Variants in PDE4D observed in about 807,000 individuals in gnomAD.
PDE4D encodes the protein 3',5'-cyclic-AMP phosphodiesterase 4D.
In PDE4D, 24 loss-of-function variants were observed where a neutral mutation model predicts 87.4. The ratio of observed to expected loss-of-function variants is 0.27; its 90% confidence interval spans 0.20 to 0.39. The LOEUF is 0.39. Among genes scored for constraint, PDE4D ranks in the 10% least tolerant of loss-of-function variants. PDE4D has a pLI of 1.00. For synonymous variants in PDE4D, 384 were observed against 383.2 expected, an observed-to-expected ratio of 1.00 and a Z score of -0.02; for missense variants, 714 against 1,041.0, an observed-to-expected ratio of 0.69 and a Z score of 4.32.
chr5:59,584,066 G>A (rs1307082051), intron 1 of PDE4D, among the ~76,000 whole-genome samples: 1 of 152,214 alleles, frequency 6.6e-6, no homozygotes, highest in Non-Finnish European at 1.5e-5. Context: ...GGAGTCTTTG[G>A]AGATGAAAAG....
chr5:59,119,937 T>C (rs1774211638), intron 5 of PDE4D, among the ~76,000 whole-genome samples: 1 of 152,184 alleles, frequency 6.6e-6, no homozygotes, highest in African/African-American at 2.4e-5. Flanking sequence ...CTCAAACTCC[T>C]GGGCTCAAGG....
At chr5:59,358,500 T>C (rs1781740015) in intron 1 of PDE4D, among the ~76,000 whole-genome samples, 1 of 152,232 alleles carries the variant, frequency 6.6e-6, no homozygotes, top group African/African-American at 2.4e-5. Flanking sequence ...GCCCTTCTGG[T>C]GTATGAAATG....
chr5:60,361,417 A>G (rs1208318041), intron 1 of PDE4D, among the ~76,000 whole-genome samples: 2 of 152,358 alleles, frequency 1.3e-5, no homozygotes, highest in East Asian at 3.9e-4. Context: ...TGATTCAATA[A>G]ATCAATGGTA....
chr5:59,831,326 CAAA>C (rs35043596), intron 1 of PDE4D, among the ~76,000 whole-genome samples: 1 of 91,406 alleles, frequency 1.1e-5, no homozygotes, highest in Non-Finnish European at 2.0e-5. Flanking sequence ...AAATTATTCT[CAAA>C]AAAAAAAAAA....
chr5:59,887,612 C>T (rs1405087120), intron 1 of PDE4D, among the ~76,000 whole-genome samples: 1 of 152,044 alleles, frequency 6.6e-6, no homozygotes, highest in African/African-American at 2.4e-5. Context: ...ATAAACAGAA[C>T]TAAGTCTTTT....
chr5:59,304,176 T>A (rs751440463), intron 1 of PDE4D, among the ~76,000 whole-genome samples: 3 of 152,112 alleles, frequency 2.0e-5, no homozygotes, highest in Non-Finnish European at 4.4e-5. Context: ...TGGGTTGAGT[T>A]CTTGATTTGA....
chr5:59,477,325 C>T (rs1331437072), intron 1 of PDE4D, among the ~76,000 whole-genome samples: 3 of 133,388 alleles, frequency 2.2e-5, no homozygotes, highest in Non-Finnish European at 3.1e-5. Flanking sequence ...GCACAATGTG[C>T]ACATGTACCC....
At chr5:59,110,700 G>A (rs1199440820) in intron 5 of PDE4D, among the ~76,000 whole-genome samples, 2 of 151,986 alleles carry the variant, frequency 1.3e-5, no homozygotes, top group African/African-American at 4.8e-5. Flanking sequence ...GGCGAGACCC[G>A]ATCTTTACAA....
intron 1 of PDE4D, among the ~76,000 whole-genome samples, chr5:59,498,118 A>C (rs114043806): frequency 5.3e-5 from 8 of 151,912 alleles, no homozygotes; most frequent in Admixed American, 2.0e-4. Flanking sequence ...TCAGATAAGC[A>C]ATTGCTAAAA....
intron 3 of PDE4D, among the ~76,000 whole-genome samples, chr5:59,903,335 G>A (rs1279266464): frequency 1.3e-5 from 2 of 151,802 alleles, no homozygotes; most frequent in East Asian, 1.9e-4. Flanking sequence ...GTTTAAAATA[G>A]AAGATGGGGA....
chr5:59,424,111 C>A (rs1247154774), intron 1 of PDE4D, among the ~76,000 whole-genome samples: 2 of 152,034 alleles, frequency 1.3e-5, no homozygotes, highest in Admixed American at 1.3e-4. Flanking sequence ...ACTTCCAGGT[C>A]TGGGCCATAA....
At chr5:59,111,295 T>C (rs138665154) in intron 5 of PDE4D, among the ~76,000 whole-genome samples, 1 of 152,328 alleles carries the variant, frequency 6.6e-6, no homozygotes, top group African/African-American at 2.4e-5. Flanking sequence ...TTCCTGCAGA[T>C]TTTCAACTTG....
chr5:59,868,229 ATATT>A (rs1198696356), intron 1 of PDE4D, among the ~76,000 whole-genome samples: 3 of 152,130 alleles, frequency 2.0e-5, no homozygotes, highest in African/African-American at 7.2e-5. Context: ...ACAATTATAA[ATATT>A]TATTTACTAA....
chr5:59,615,704 ATCTGATCT>A (rs1829574301), intron 1 of PDE4D, among the ~76,000 whole-genome samples: 1 of 152,172 alleles, frequency 6.6e-6, no homozygotes, highest in Non-Finnish European at 1.5e-5. Context: ...AGCTGGGGTA[ATCTGATCT>A]CCTGATTTTA....
At chr5:59,914,869 GTGTGTGTGTGTGT>G (rs1753863781) in intron 3 of PDE4D, among the ~76,000 whole-genome samples, 6 of 49,648 alleles carry the variant, frequency 1.2e-4, no homozygotes, top group African/African-American at 3.4e-4. Flanking sequence ...TGATAGGGGT[GTGTGTGTGTGTGT>G]GTGTGTGTGT....
At chr5:59,989,846 T>A (rs1762833024) in intron 2 of PDE4D, among the ~76,000 whole-genome samples, 1 of 152,160 alleles carries the variant, frequency 6.6e-6, no homozygotes, top group Non-Finnish European at 1.5e-5. Flanking sequence ...AGTGTTGGGT[T>A]TTTGAATCTT....
chr5:59,880,040 G>A (rs1476462316), intron 1 of PDE4D, among the ~76,000 whole-genome samples: 1 of 152,110 alleles, frequency 6.6e-6, no homozygotes, highest in Admixed American at 6.5e-5. Context: ...CTCCTGGCCT[G>A]TTATTGCTTT....
chr5:59,568,730 C>T (rs1821354932), intron 1 of PDE4D, among the ~76,000 whole-genome samples: 1 of 151,948 alleles, frequency 6.6e-6, no homozygotes, highest in Non-Finnish European at 1.5e-5. Context: ...CAGTACTCCT[C>T]AAAACTGCCA....
intron 1 of PDE4D, among the ~76,000 whole-genome samples, chr5:60,480,350 C>A (rs1748634558): frequency 6.6e-6 from 1 of 152,044 alleles, no homozygotes; most frequent in Non-Finnish European, 1.5e-5. Context: ...AGATATGCAT[C>A]ATTCGAAGCA....
Sources: allele counts gnomAD v4.1 joint callset (sites outside exome capture counted in the v4.1 genomes callset), GRCh38; gene constraint gnomAD v4.1.1; transcripts MANE v1.5; gene names NCBI Gene and HGNC (gene_info 2026-07-23, HGNC 2026-07-21).